Variants in TOP1 observed in about 807,000 individuals in gnomAD.
TOP1 encodes DNA topoisomerase 1.
In TOP1, 10 loss-of-function variants were observed where a neutral mutation model predicts 111.1. That is an observed-to-expected ratio of 0.09 (90% CI 0.06 to 0.15). TOP1 has a LOEUF of 0.15. TOP1 is among the 10% of genes least tolerant of loss of function. TOP1 has a pLI of 1.00. For missense variants in TOP1, 474 were observed against 926.7 expected, an observed-to-expected ratio of 0.51 and a Z score of 6.34; for synonymous variants, 271 against 302.9, an observed-to-expected ratio of 0.89 and a Z score of 1.10.
Position 41,072,542 on chromosome 20 carries a change from A to G in TOP1, c.156-3629A>G, listed in dbSNP as rs532852376. On this transcript the variant is annotated intron_variant, in intron 3 of 20. Coordinates refer to ENST00000361337, the MANE Select transcript of TOP1 (RefSeq NM_003286.4). ...TGACTTTCCTGGCACAGCCCTGGAC[A>G]TGCTTCTGTATCATAGGACTTGTTC... 3 of 985,428 alleles carry G rather than the reference A, an allele frequency of 3.0e-6. No homozygotes were observed. The African/African-American group carries it at 5.2e-5, about 17-fold the overall frequency. The allele number at this position is 985,428 out of a possible 1,614,324, so 61.0% of individuals were successfully genotyped here.
intron 13 of TOP1, among the ~76,000 whole-genome samples, chr20:41,107,214 TA>T (rs1368259209): frequency 6.6e-6 from 1 of 152,230 alleles, no homozygotes; most frequent in East Asian, 1.9e-4. Context: ...GATATATATG[TA>T]TTTATAGATA....
intron 8 of TOP1, among the ~76,000 whole-genome samples, chr20:41,086,437 T>G (rs1427222105): frequency 3.3e-5 from 5 of 152,222 alleles, no homozygotes; most frequent in African/African-American, 1.2e-4. Flanking sequence ...AATGGTAGGT[T>G]AGTAATTCAT....
intron 18 of TOP1, among the ~76,000 whole-genome samples, chr20:41,119,883 TATC>T (rs1490066003): frequency 2.0e-5 from 3 of 152,256 alleles, no homozygotes; most frequent in African/African-American, 4.8e-5. Context: ...CTCCTCATGT[TATC>T]ATTACAAGCC....
Position 41,083,489 on chromosome 20 carries a change from A to T in TOP1, c.508-973A>T, listed in dbSNP as rs1031490769. On this transcript the variant is annotated intron_variant, in intron 7 of 20. Transcript: ENST00000361337. This position sits in a 1 kb window ranked among gnomAD's most constrained non-coding sequence, Gnocchi z 7.2. ...TTTCTCATAAAGTTAGGCTCTTATC[A>T]TAGTTAATAACAGCTATATGACCTT... Among the ~76,000 whole-genome samples the T allele has an allele frequency of 6.6e-6, 1 of 152,214 alleles. No individual in the cohort carries two copies. Among genetic ancestry groups the T allele is most frequent in the African/African-American group, 2.4e-5 (1 of 41,454 alleles).
In TOP1 at chr20:41,118,108, CTG is replaced by C; in HGVS notation, c.1823-55_1823-54del. 2.5e-6 allele frequency: 4 copies of C among 1,572,878 alleles called. No homozygotes were observed. The highest frequency in any genetic ancestry group is 3.5e-6 in the Non-Finnish European group (4 of 1,152,474). ...GGACGAGGCACTGGGGGAAGACATA[CTG>C]TGTGTTCACTTTTGGTGTACAAACT... is the stretch of plus-strand genomic sequence containing the variant. On this transcript the variant is annotated intron_variant, in intron 17 of 20. Transcript: ENST00000361337. The surrounding 1 kb of genome is among the most constrained non-coding windows in gnomAD (Gnocchi z 4.6).
chr20:41,117,803 A>G (rs1025631557), intron 17 of TOP1, among the ~76,000 whole-genome samples: 1 of 152,248 alleles, frequency 6.6e-6, no homozygotes, highest in East Asian at 1.9e-4. Context: ...GCAACAAACC[A>G]TAGTAATATC....
chr20:41,072,377 A>T (rs1247316641), intron 3 of TOP1: 2 of 985,336 alleles, frequency 2.0e-6, no homozygotes, highest in African/African-American at 3.5e-5. Context: ...AGGAAAGTAC[A>T]GTTCTTTAGC....
chr20:41,105,121 TGTA>T (rs749450673), intron 13 of TOP1, among the ~76,000 whole-genome samples: 2 of 152,228 alleles, frequency 1.3e-5, no homozygotes, highest in Non-Finnish European at 2.9e-5. Context: ...CCTTCTTCCC[TGTA>T]GATTACTATG....
At chr20:41,104,144 A>G (rs1302495599) in intron 13 of TOP1, among the ~76,000 whole-genome samples, 1 of 152,238 alleles carries the variant, frequency 6.6e-6, no homozygotes, top group Non-Finnish European at 1.5e-5. Context: ...ATACGCTCTA[A>G]GAAGATTGAA....
intron 2 of TOP1, among the ~76,000 whole-genome samples, chr20:41,049,541 C>A (rs1259311308): frequency 2.0e-5 from 3 of 152,194 alleles, no homozygotes; most frequent in Admixed American, 6.5e-5. Context: ...GAGGCTGATT[C>A]TGGAACTTCA....
chr20:41,038,207 A>C (rs986506333), intron 2 of TOP1, among the ~76,000 whole-genome samples: 5 of 152,176 alleles, frequency 3.3e-5, no homozygotes, highest in African/African-American at 1.2e-4. Context: ...TAGAGACTTA[A>C]AGGGAATTTA....
rs2033995921 is a variant in TOP1, at chr20:41,097,370, G to A, written c.852+29G>A. ...CTGTAGCCCATGTGTTAATATCCTA[G>A]TACCTTGCAAAACAATCAAGTACTA... On this transcript the variant is annotated intron_variant, in intron 10 of 20. Coordinates refer to ENST00000361337, the MANE Select transcript of TOP1 (RefSeq NM_003286.4). The surrounding 1 kb of genome is among the most constrained non-coding windows in gnomAD (Gnocchi z 4.2). The A allele has an allele frequency of 3.8e-6, 6 of 1,575,110 alleles. No individual in the cohort carries two copies. In the Admixed American group the frequency reaches 1.0e-4, roughly 26 times the overall value.
chr20:41,110,817 T>C lies in TOP1; in HGVS notation c.1309-1965T>C, dbSNP rs2034225274. Among the ~76,000 whole-genome samples, 1 of 152,348 alleles carries C rather than the reference T, an allele frequency of 6.6e-6. No homozygotes were observed. The highest frequency in any genetic ancestry group is 1.5e-5 in the Non-Finnish European group (1 of 68,036). On this transcript the variant is annotated intron_variant, in intron 13 of 20. Coordinates refer to ENST00000361337, the MANE Select transcript of TOP1 (RefSeq NM_003286.4). This position sits in a 1 kb window ranked among gnomAD's most constrained non-coding sequence, Gnocchi z 4.2. The stretch of plus-strand genomic sequence containing the variant: ...AGACCTAGGTGGATAGTTTATTTTC[T>C]AAAAGTAGTCAAGAAAGCTTGTTCA...
intron 2 of TOP1, among the ~76,000 whole-genome samples, chr20:41,059,471 T>C (rs1332660053): frequency 6.8e-6 from 1 of 147,676 alleles, no homozygotes; most frequent in Non-Finnish European, 1.5e-5. Context: ...GTGGTGGTGG[T>C]GATATGCCCT....
At chr20:41,074,996 T>A (rs2033709014) in intron 3 of TOP1, among the ~76,000 whole-genome samples, 1 of 152,244 alleles carries the variant, frequency 6.6e-6, no homozygotes, top group Non-Finnish European at 1.5e-5. Context: ...ATAAACACTT[T>A]CCAAATGTGT....
chr20:41,044,021 A>C (rs1360434965), intron 2 of TOP1, among the ~76,000 whole-genome samples: 4 of 152,254 alleles, frequency 2.6e-5, no homozygotes, highest in Non-Finnish European at 5.9e-5. Context: ...TCACGCCTGT[A>C]ATCCCAGCAC....
rs1358150002 is a variant in TOP1 at position 41,095,962 on chromosome 20, T to C, written c.731-1258T>C. 1.3e-5 allele frequency among the ~76,000 whole-genome samples: 2 copies of C among 152,254 alleles called. No individual in the cohort carries two copies. The highest frequency in any genetic ancestry group is 2.9e-5 in the Non-Finnish European group (2 of 68,034). On this transcript the variant is annotated intron_variant, in intron 9 of 20. Coordinates refer to ENST00000361337, the MANE Select transcript of TOP1 (RefSeq NM_003286.4). This position sits in a 1 kb window ranked among gnomAD's most constrained non-coding sequence, Gnocchi z 4.6. ...TGGATTAAATTCCCAAGTACTTTTC[T>C]TTCATTGCTTTATTAACTAAATCAG...
In TOP1 at chr20:41,124,026, T is replaced by G; in HGVS notation, c.*729T>G. ...CGTGTAGATTGGGGTTGGGGAGGGA[T>G]GAAGGGCGAGTGAATCTAAGGATAA... is the stretch of plus-strand genomic sequence containing the variant. On this transcript the variant is annotated 3_prime_UTR_variant, in exon 21 of 21. Coordinates refer to ENST00000361337, the MANE Select transcript of TOP1 (RefSeq NM_003286.4). This position sits in a 1 kb window ranked among gnomAD's most constrained non-coding sequence, Gnocchi z 5.4. 8.6e-6 allele frequency: 2 copies of G among 233,082 alleles called. No homozygotes were observed. The highest frequency in any genetic ancestry group is 1.2e-4 in the East Asian group (2 of 16,470). The allele number at this position is 233,082 out of a possible 1,614,324, so 14.4% of individuals were successfully genotyped here.
rs1400836569 is a variant in TOP1 at position 41,118,521 on chromosome 20, A to G, written c.1950+225A>G. On this transcript the variant is annotated intron_variant, in intron 18 of 20. Transcript: ENST00000361337. The surrounding 1 kb of genome is among the most constrained non-coding windows in gnomAD (Gnocchi z 4.6). ...TCTTTATTCTACGCATAGAAGTTCT[A>G]TACTGGCCACTCCCTATTTTGAAAA... Among the ~76,000 whole-genome samples the G allele has an allele frequency of 6.6e-6, 1 of 152,260 alleles. No individual in the cohort carries two copies. The highest frequency in any genetic ancestry group is 1.5e-5 in the Non-Finnish European group (1 of 68,044).
Sources: allele counts gnomAD v4.1 joint callset (sites outside exome capture counted in the v4.1 genomes callset), GRCh38; gene constraint gnomAD v4.1.1; non-coding constraint Gnocchi (gnomAD v3.1); transcripts MANE v1.5; gene names NCBI Gene and HGNC (gene_info 2026-07-23, HGNC 2026-07-21).